Variants in TRABD2B observed in about 807,000 individuals in gnomAD.
TRABD2B encodes the protein metalloprotease TIKI2.
Under a neutral mutation model 40.1 loss-of-function variants are expected in TRABD2B, and 14 were observed. The observed-to-expected ratio is 0.35, with a 90% CI of 0.23 to 0.55. TRABD2B has a LOEUF of 0.55. Ranked by LOEUF, TRABD2B falls within the 20% of genes least tolerant of loss-of-function variation. The probability of loss-of-function intolerance (pLI) is 0.90; values close to 1 mark genes in which losing one functional copy is unlikely to be tolerated. For missense variants in TRABD2B, 541 were observed against 648.6 expected (o/e 0.83, Z 1.80); for synonymous variants, 263 against 277.0 (o/e 0.95, Z 0.50).
intron 2 of TRABD2B, among the ~76,000 whole-genome samples, chr1:47,815,918 C>G (rs1210634583): frequency 1.3e-5 from 2 of 152,172 alleles, no homozygotes; most frequent in Non-Finnish European, 2.9e-5. Flanking sequence ...CAACCACAGA[C>G]TTATATTCAC....
chr1:47,790,944 C>T (rs1282501030), intron 4 of TRABD2B, among the ~76,000 whole-genome samples: 2 of 152,202 alleles, frequency 1.3e-5, no homozygotes, highest in Non-Finnish European at 2.9e-5. Flanking sequence ...GACTGAGGCC[C>T]TTGGAGGTGA....
chr1:47,886,053 G>A (rs1391798262), intron 2 of TRABD2B, among the ~76,000 whole-genome samples: 1 of 152,164 alleles, frequency 6.6e-6, no homozygotes, highest in East Asian at 1.9e-4. Context: ...GTGAGATAGA[G>A]AAACTGCGAA....
At chr1:47,849,538 A>G (rs886993668) in intron 2 of TRABD2B, among the ~76,000 whole-genome samples, 1 of 152,212 alleles carries the variant, frequency 6.6e-6, no homozygotes, top group Non-Finnish European at 1.5e-5. Context: ...AGACAGGAAA[A>G]TCTTCCCAGT....
chr1:47,972,711 C>T (rs1645699023), intron 2 of TRABD2B, among the ~76,000 whole-genome samples: 1 of 152,164 alleles, frequency 6.6e-6, no homozygotes, highest in African/African-American at 2.4e-5. Context: ...GCAGCCTGAG[C>T]TAAGACAAGC....
intron 2 of TRABD2B, among the ~76,000 whole-genome samples, chr1:47,867,822 G>C (rs1644081888): frequency 6.6e-6 from 1 of 152,148 alleles, no homozygotes; most frequent in Admixed American, 6.5e-5. Flanking sequence ...TAAAATACTA[G>C]CAACCAACAG....
At chr1:47,818,875 G>A (rs1645070618) in intron 2 of TRABD2B, 1 of 152,238 alleles carries the variant, frequency 6.6e-6, no homozygotes, top group Non-Finnish European at 1.5e-5. Context: ...CGATGCCTTT[G>A]ACGTGAACAG....
intron 2 of TRABD2B, among the ~76,000 whole-genome samples, chr1:47,958,624 A>G (rs1205197846): frequency 2.0e-5 from 3 of 151,808 alleles, no homozygotes; most frequent in Non-Finnish European, 2.9e-5. Context: ...AGGCCATTAC[A>G]TAATGGTAAA....
intron 2 of TRABD2B, among the ~76,000 whole-genome samples, chr1:47,884,959 C>T (rs1644352130): frequency 2.0e-5 from 3 of 152,058 alleles, no homozygotes. Context: ...GGCACTCTGC[C>T]TCCCACTTTA....
intron 2 of TRABD2B, among the ~76,000 whole-genome samples, chr1:47,905,574 GAAAAGAA>G (rs1644665011): frequency 1.3e-5 from 2 of 152,078 alleles, no homozygotes; most frequent in African/African-American, 4.8e-5. Flanking sequence ...CTCCACTTTG[GAAAAGAA>G]ATCTACATTT....
At chr1:47,896,635 G>C (rs1016699694) in intron 2 of TRABD2B, among the ~76,000 whole-genome samples, 3 of 152,188 alleles carry the variant, frequency 2.0e-5, no homozygotes, top group Admixed American at 1.3e-4. Context: ...AACTGGGCTT[G>C]CCAGGCTATG....
intron 2 of TRABD2B, among the ~76,000 whole-genome samples, chr1:47,878,576 C>T (rs1381939168): frequency 6.6e-6 from 1 of 152,140 alleles, no homozygotes; most frequent in Non-Finnish European, 1.5e-5. Context: ...AAAGCAGGCA[C>T]AATCAAGCAA....
intron 2 of TRABD2B, among the ~76,000 whole-genome samples, chr1:47,984,577 G>A (rs1645892306): frequency 6.6e-6 from 1 of 152,314 alleles, no homozygotes; most frequent in Admixed American, 6.5e-5. Context: ...CTCTCTAGTA[G>A]CAGTCCATGC....
At chr1:47,913,841 C>T (rs1366983834) in intron 2 of TRABD2B, among the ~76,000 whole-genome samples, 3 of 152,196 alleles carry the variant, frequency 2.0e-5, no homozygotes, top group Middle Eastern at 6.8e-3. Flanking sequence ...TGTGCCTACA[C>T]AGGAAAACTC....
At chr1:47,971,239 G>C (rs1057067984) in intron 2 of TRABD2B, among the ~76,000 whole-genome samples, 2 of 152,052 alleles carry the variant, frequency 1.3e-5, no homozygotes, top group Non-Finnish European at 2.9e-5. Context: ...CTATATATAG[G>C]AATATCATGC....
chr1:47,844,547 C>T (rs1645442556), intron 2 of TRABD2B, among the ~76,000 whole-genome samples: 1 of 152,202 alleles, frequency 6.6e-6, no homozygotes, highest in Non-Finnish European at 1.5e-5. Context: ...GTGCCTGGGA[C>T]TCAGGTGTGC....
chr1:47,896,000 C>T (rs534523840), intron 2 of TRABD2B, among the ~76,000 whole-genome samples: 6 of 152,356 alleles, frequency 3.9e-5, no homozygotes, highest in East Asian at 3.9e-4. Flanking sequence ...CAATGGCTGC[C>T]GGGGGCATGG....
At chr1:47,939,796 A>G (rs1034731256) in intron 2 of TRABD2B, among the ~76,000 whole-genome samples, 1 of 152,168 alleles carries the variant, frequency 6.6e-6, no homozygotes, top group Non-Finnish European at 1.5e-5. Context: ...ACATAAACTC[A>G]GAGCTTCCTA....
rs77005357 is a variant in TRABD2B at position 47,849,155 on chromosome 1, A to C, written c.667-47536T>G. On this transcript the variant is annotated intron_variant, in intron 2 of 6. Coordinates refer to ENST00000606738, the MANE Select transcript of TRABD2B (RefSeq NM_001194986.2). ...TTCATATGGTGAAGCTCCCACCCCCAGGACCTCAGAATGTGATGTATTTGG... is the reference window on the plus strand; with the variant it reads ...TTCATATGGTGAAGCTCCCACCCCCCGGACCTCAGAATGTGATGTATTTGG... 3.5e-3 allele frequency among the ~76,000 whole-genome samples: 532 copies of C among 152,294 alleles called. 1 individual carries two copies. The highest frequency in any genetic ancestry group is 0.012 in the African/African-American group (507 of 41,560).
intron 2 of TRABD2B, among the ~76,000 whole-genome samples, chr1:47,916,138 CCT>C (rs779345875): frequency 1.1e-4 from 17 of 150,330 alleles, no homozygotes; most frequent in Non-Finnish European, 1.9e-4. Flanking sequence ...GCTCCTCACT[CCT>C]CACTAGCTGG....
Sources: gnomAD v4.1 joint callset for allele counts (sites outside exome capture counted in the v4.1 genomes callset) on GRCh38, gnomAD v4.1.1 for gene constraint, MANE v1.5 for transcripts, NCBI Gene and HGNC (gene_info 2026-07-23, HGNC 2026-07-21) for gene names.